CACNA1A: variants seen among roughly 807,000 people sequenced by gnomAD.
The protein encoded by CACNA1A is voltage-dependent P/Q-type calcium channel subunit alpha-1A.
A neutral mutation model predicts 262.4 loss-of-function variants in CACNA1A; 57 were observed. That is an observed-to-expected ratio of 0.22 (90% CI 0.18 to 0.27). The LOEUF is 0.27. Among genes scored for constraint, CACNA1A ranks in the 10% least tolerant of loss-of-function variants. CACNA1A has a pLI of 1.00. For synonymous variants in CACNA1A, 1,431 were observed against 1,419.3 expected, an observed-to-expected ratio of 1.01 and a Z score of -0.18; for missense variants, 2,526 against 3,562.8, an observed-to-expected ratio of 0.71 and a Z score of 7.41.
intron 6 of CACNA1A, among the ~76,000 whole-genome samples, chr19:13,350,197 G>A (rs1312755709): frequency 6.6e-6 from 1 of 152,198 alleles, no homozygotes; most frequent in African/African-American, 2.4e-5. Context: ...TCCTCTGAGA[G>A]GCCTGGCCTC....
chr19:13,249,158 T>A (rs974278646), intron 30 of CACNA1A, among the ~76,000 whole-genome samples: 4 of 152,074 alleles, frequency 2.6e-5, no homozygotes, highest in Non-Finnish European at 5.9e-5. Flanking sequence ...AGAGATGAGG[T>A]CTTGCTATGT....
chr19:13,303,971 AC>A, intron 15 of CACNA1A, 87 bp from the exon 16 acceptor site: 1 of 932,356 alleles, frequency 1.1e-6, no homozygotes, highest in Non-Finnish European at 1.7e-6. Context: ...GAATCCGCCC[AC>A]CCCATCCCCG....
At chr19:13,383,500 A>G (rs2059555879) in intron 3 of CACNA1A, among the ~76,000 whole-genome samples, 1 of 152,210 alleles carries the variant, frequency 6.6e-6, no homozygotes, top group African/African-American at 2.4e-5. Context: ...AGTAAAATTT[A>G]AAGTCTACCA....
chr19:13,399,380 C>G (rs958257830), intron 3 of CACNA1A, among the ~76,000 whole-genome samples: 2 of 144,042 alleles, frequency 1.4e-5, no homozygotes, highest in Non-Finnish European at 1.5e-5. Context: ...CAGCAGAAGT[C>G]CAGATCCAAA....
intron 15 of CACNA1A, among the ~76,000 whole-genome samples, chr19:13,307,038 C>T (rs2057918555): frequency 6.6e-6 from 1 of 152,114 alleles, no homozygotes; most frequent in African/African-American, 2.4e-5. Context: ...TTGTAGCTTA[C>T]TGCAGCCTCA....
intron 30 of CACNA1A, among the ~76,000 whole-genome samples, chr19:13,249,406 G>C (rs2056334906): frequency 6.6e-6 from 1 of 151,798 alleles, no homozygotes. Flanking sequence ...CCCAGGGTGG[G>C]GTGCAGCGGC....
rs1487968124 is a variant in CACNA1A at position 13,208,845 on chromosome 19, C to G, written c.6691G>C (p.Glu2231Gln). The G allele has an allele frequency of 1.3e-6, 2 of 1,538,300 alleles. No individual in the cohort carries two copies. Among genetic ancestry groups the G allele is most frequent in the African/African-American group, 2.7e-5 (2 of 73,256 alleles). ...CGTGCCCGGCCGTGGTCCGGCCGTTCCTGGGCATAGCGGTCCTTGTCGGGG... is the reference window on the plus strand; with the variant it reads ...CGTGCCCGGCCGTGGTCCGGCCGTTGCTGGGCATAGCGGTCCTTGTCGGGG... ...PPPDKDRYAQ[E>Q]RPDHGRARAR... Residue 2231 changes from glutamate (E) to glutamine (Q), a missense_variant, in exon 46 of 47, where the codon GAA becomes CAA. Glu to Gln is a conservative substitution (Grantham distance 29, BLOSUM62 2). Transcript: ENST00000360228.
intron 6 of CACNA1A, among the ~76,000 whole-genome samples, chr19:13,336,894 C>T (rs1294364817): frequency 2.0e-5 from 3 of 152,202 alleles, no homozygotes; most frequent in Non-Finnish European, 4.4e-5. Flanking sequence ...AACCTCTGTG[C>T]TGGGAAGCCT....
chr19:13,467,313 C>CT (rs1555791448), intron 1 of CACNA1A, among the ~76,000 whole-genome samples: 1 of 151,756 alleles, frequency 6.6e-6, no homozygotes, highest in Non-Finnish European at 1.5e-5. Context: ...TAATTAAAAC[C>CT]TTTTTTTAAA....
chr19:13,378,960 T>G (rs1002848660), intron 3 of CACNA1A, among the ~76,000 whole-genome samples: 2 of 144,970 alleles, frequency 1.4e-5, no homozygotes, highest in Non-Finnish European at 3.0e-5. Context: ...TGAGCCACTG[T>G]GCCCAGCCTT....
intron 27 of CACNA1A, chr19:13,257,906 T>C (rs1372481364): frequency 6.1e-6 from 1 of 163,812 alleles, no homozygotes; most frequent in Non-Finnish European, 1.3e-5. Context: ...CCTGGCTAAT[T>C]TTTTTGTATT....
At chr19:13,453,090 AG>A (rs2144936855) in intron 2 of CACNA1A, 75 bp from the exon 3 acceptor site, 2 of 1,488,536 alleles carry the variant, frequency 1.3e-6, no homozygotes, top group South Asian at 2.3e-5. Context: ...CAGCCCACCT[AG>A]AAATCAGTAC....
At chr19:13,497,524 ATATATATAT>A (rs1981795373) in intron 1 of CACNA1A, among the ~76,000 whole-genome samples, 1 of 1,084 alleles carries the variant, frequency 9.2e-4, no homozygotes, top group Non-Finnish European at 1.5e-3. Flanking sequence ...AAAAAAAAAT[ATATATATAT>A]ATATATATAT....
At chr19:13,239,109 C>T (rs943427049) in intron 31 of CACNA1A, among the ~76,000 whole-genome samples, 8 of 94,306 alleles carry the variant, frequency 8.5e-5, no homozygotes, top group African/African-American at 2.2e-4. Flanking sequence ...TGACCAGTCG[C>T]GCCTCCCCTG....
intron 6 of CACNA1A, among the ~76,000 whole-genome samples, chr19:13,338,618 C>A (rs1274487474): frequency 1.3e-5 from 2 of 152,094 alleles, no homozygotes; most frequent in African/African-American, 4.8e-5. Flanking sequence ...GCAAAAGAAG[C>A]CAGACTTCAT....
At chr19:13,209,246 C>CCTGCCTTCTCCTCCCCT in intron 45 of CACNA1A, 66 bp downstream of exon 45, 1 of 1,423,808 alleles carries the variant, frequency 7.0e-7, no homozygotes, top group East Asian at 2.5e-5. Flanking sequence ...TCTCCTCCGC[C>CCTGCCTTCTCCTCCCCT]CTGCCTTCTC....
intron 1 of CACNA1A, among the ~76,000 whole-genome samples, chr19:13,495,449 A>T (rs767361339): frequency 3.3e-5 from 5 of 151,992 alleles, no homozygotes; most frequent in Non-Finnish European, 5.9e-5. Context: ...GGTGCCCGCC[A>T]CCACGCCTGG....
chr19:13,308,010 C>T lies in CACNA1A; in HGVS notation c.1913+110G>A. The T allele has an allele frequency of 6.8e-7, 1 of 1,472,418 alleles. No homozygotes were observed. Among genetic ancestry groups the T allele is most frequent in the Non-Finnish European group, 9.3e-7 (1 of 1,069,988 alleles). 91.2% of individuals were successfully genotyped at this position (1,472,418 alleles called of 1,614,324 possible). On this transcript the variant is annotated intron_variant, in intron 14 of 46. Coordinates refer to ENST00000360228, the MANE Select transcript of CACNA1A (RefSeq NM_001127222.2). The surrounding 1 kb of genome is among the most constrained non-coding windows in gnomAD (Gnocchi z 4.2). ...AGGGCCCTGCCCATTTGGGTGACCG[C>T]AATGGGTGTCTGGGCTACGAGGAAG... is the stretch of plus-strand genomic sequence containing the variant.
intron 3 of CACNA1A, among the ~76,000 whole-genome samples, chr19:13,373,541 C>T (rs1156717875): frequency 1.3e-5 from 2 of 152,166 alleles, no homozygotes; most frequent in Non-Finnish European, 2.9e-5. Flanking sequence ...GTGAGTTCCA[C>T]GTGGGCTCCC....
Sources: gnomAD v4.1 joint callset for allele counts (sites outside exome capture counted in the v4.1 genomes callset) on GRCh38, gnomAD v4.1.1 for gene constraint, Gnocchi (gnomAD v3.1) non-coding constraint, MANE v1.5 for transcripts, NCBI Gene and HGNC (gene_info 2026-07-23, HGNC 2026-07-21) for gene names.